MAPRE2: variants seen among roughly 807,000 people sequenced by gnomAD.
MAPRE2 encodes the protein microtubule-associated protein RP/EB family member 2.
In MAPRE2, 13 loss-of-function variants were observed where a neutral mutation model predicts 43.2. That is an observed-to-expected ratio of 0.30 (90% CI 0.20 to 0.48). MAPRE2 has a LOEUF of 0.48. MAPRE2 is among the 20% of genes least tolerant of loss of function. MAPRE2 has a pLI of 0.99. For synonymous variants in MAPRE2, 135 were observed against 148.8 expected, an observed-to-expected ratio of 0.91 and a Z score of 0.68; for missense variants, 161 against 400.2, an observed-to-expected ratio of 0.40 and a Z score of 5.10.
chr18:35,087,094 TGAA>T (rs1907915456), intron 2 of MAPRE2, among the ~76,000 whole-genome samples: 1 of 152,208 alleles, frequency 6.6e-6, no homozygotes, highest in Admixed American at 6.5e-5. Flanking sequence ...CCTTTGAGTA[TGAA>T]TGTTCATTTT....
intron 1 of MAPRE2, chr18:34,978,454 C>T (rs1284446985): frequency 2.7e-6 from 4 of 1,475,508 alleles, no homozygotes; most frequent in Non-Finnish European, 3.7e-6. Flanking sequence ...TGTGGTCAGA[C>T]GCAGCACCTA....
At chr18:35,023,777 A>G (rs905679160) in intron 2 of MAPRE2, among the ~76,000 whole-genome samples, 21 of 152,202 alleles carry the variant, frequency 1.4e-4, no homozygotes, top group African/African-American at 4.6e-4. Flanking sequence ...TAGATTCATT[A>G]AAGAGATAAT....
chr18:35,055,201 G>A (rs1906154135), intron 1 of MAPRE2, among the ~76,000 whole-genome samples: 1 of 152,156 alleles, frequency 6.6e-6, no homozygotes, highest in South Asian at 2.1e-4. Flanking sequence ...TTGTGATGCC[G>A]GAGGCTAGAA....
chr18:35,087,018 CTG>C (rs1907912318), intron 2 of MAPRE2, among the ~76,000 whole-genome samples: 1 of 152,064 alleles, frequency 6.6e-6, no homozygotes. Flanking sequence ...ATCCTGGGAT[CTG>C]GTGAAAATGA....
At chr18:35,118,523 T>C (rs1909517842) in intron 4 of MAPRE2, among the ~76,000 whole-genome samples, 1 of 152,196 alleles carries the variant, frequency 6.6e-6, no homozygotes. Context: ...GCAAGTACTT[T>C]ACCAAAAACA....
chr18:35,042,242 C>G (rs1442381311), intron 1 of MAPRE2, among the ~76,000 whole-genome samples: 1 of 152,066 alleles, frequency 6.6e-6, no homozygotes, highest in African/African-American at 2.4e-5. Context: ...CTCCATAGAA[C>G]CCTAGGTTTA....
At position 35,051,775 on chromosome 18, in the gene MAPRE2, C is replaced by T. The variant is rs111540174; in HGVS notation, c.122+10114C>T. 8.1e-4 allele frequency among the ~76,000 whole-genome samples: 124 copies of T among 152,238 alleles called. 1 individual carries two copies. The highest frequency in any genetic ancestry group is 2.8e-3 in the African/African-American group (118 of 41,534). On this transcript the variant is annotated intron_variant, in intron 1 of 6. Transcript: ENST00000300249. ...GCCTCTCTAAGCCTCATTTTCTTACCGTGCATATGGAAATAATAGTAGCAT... is the reference window on the plus strand; with the variant it reads ...GCCTCTCTAAGCCTCATTTTCTTACTGTGCATATGGAAATAATAGTAGCAT...
chr18:35,113,165 A>G (rs907342558), intron 4 of MAPRE2, among the ~76,000 whole-genome samples: 1 of 152,146 alleles, frequency 6.6e-6, no homozygotes, highest in Non-Finnish European at 1.5e-5. Flanking sequence ...GATGATAAAA[A>G]CCCCAGCATA....
chr18:35,055,565 A>ATGTGTGTG (rs35542955), intron 1 of MAPRE2, among the ~76,000 whole-genome samples: 77 of 72,498 alleles, frequency 1.1e-3, no homozygotes, highest in Non-Finnish European at 2.1e-3. Context: ...GTGTGTGTGT[A>ATGTGTGTG]TGTGTGTGTG....
In MAPRE2 at chr18:35,097,434, G is replaced by T. The variant is rs551824376; in HGVS notation, c.251-12G>T. The T allele has an allele frequency of 6.2e-6, 10 of 1,612,980 alleles. No individual in the cohort carries two copies. The highest frequency in any genetic ancestry group is 3.3e-5 in the South Asian group (3 of 90,966). On this transcript the variant is annotated splice_polypyrimidine_tract_variant and intron_variant, in intron 2 of 6. Coordinates refer to ENST00000300249, the MANE Select transcript of MAPRE2 (RefSeq NM_014268.4). ...TGAGACTCACTCCAGTACTGTTCTT[G>T]TTTCTTTCCAGGAGCGGCCTATTGC...
At chr18:34,981,559 C>G (rs958501956) in intron 1 of MAPRE2, among the ~76,000 whole-genome samples, 1 of 152,168 alleles carries the variant, frequency 6.6e-6, no homozygotes, top group Non-Finnish European at 1.5e-5. Flanking sequence ...ACCACCCAGT[C>G]TTATTACCTT....
At chr18:35,138,150 A>G (rs1360874917) in intron 6 of MAPRE2, among the ~76,000 whole-genome samples, 1 of 152,210 alleles carries the variant, frequency 6.6e-6, no homozygotes, top group African/African-American at 2.4e-5. Flanking sequence ...CAGTGTGCAG[A>G]GGAAGTGCCA....
chr18:35,074,324 A>G (rs1169913192), intron 2 of MAPRE2, among the ~76,000 whole-genome samples: 2 of 152,140 alleles, frequency 1.3e-5, no homozygotes, highest in South Asian at 2.1e-4. Flanking sequence ...TACTAGCTCA[A>G]ACTAATTTAC....
chr18:34,999,961 G>A (rs1170807308), intron 1 of MAPRE2, among the ~76,000 whole-genome samples: 4 of 151,870 alleles, frequency 2.6e-5, no homozygotes, highest in Admixed American at 6.6e-5. Context: ...GCGTGGCGGC[G>A]GAGGCAGAGC....
At chr18:35,044,583 T>C (rs1905528031) in intron 1 of MAPRE2, among the ~76,000 whole-genome samples, 1 of 152,234 alleles carries the variant, frequency 6.6e-6, no homozygotes, top group African/African-American at 2.4e-5. Context: ...CTAGCCCCCG[T>C]TGTTAGAGAG....
At chr18:35,068,503 TC>T (rs1371245631) in intron 1 of MAPRE2, among the ~76,000 whole-genome samples, 14 of 152,196 alleles carry the variant, frequency 9.2e-5, no homozygotes, top group African/African-American at 3.4e-4. Flanking sequence ...TATGTTTAAG[TC>T]CATGGATTCA....
chr18:34,990,124 C>T (rs890377777), intron 1 of MAPRE2, among the ~76,000 whole-genome samples: 4 of 152,166 alleles, frequency 2.6e-5, no homozygotes, highest in Admixed American at 2.6e-4. Flanking sequence ...TGAAGAATTG[C>T]AATGAGAATC....
intron 4 of MAPRE2, among the ~76,000 whole-genome samples, chr18:35,105,351 G>T (rs985214273): frequency 1.3e-5 from 2 of 152,056 alleles, no homozygotes; most frequent in Non-Finnish European, 2.9e-5. Flanking sequence ...ATTTTCAGAA[G>T]TCAAACTGCC....
intron 1 of MAPRE2, among the ~76,000 whole-genome samples, chr18:35,057,076 G>T (rs147052270): frequency 2.6e-5 from 4 of 152,022 alleles, no homozygotes; most frequent in African/African-American, 9.7e-5. Flanking sequence ...GTGCAATGGC[G>T]CAATCTCAGC....
Sources: allele counts gnomAD v4.1 joint callset (sites outside exome capture counted in the v4.1 genomes callset), GRCh38; gene constraint gnomAD v4.1.1; transcripts MANE v1.5; gene names NCBI Gene and HGNC (gene_info 2026-07-23, HGNC 2026-07-21).